The following TUSC3 variants were observed in gnomAD, a reference collection of about 807,000 sequenced individuals.
TUSC3 encodes tumor suppressor candidate 3, also known as dolichyl-diphosphooligosaccharide--protein glycosyltransferase subunit TUSC3.
Under a neutral mutation model 44.8 loss-of-function variants are expected in TUSC3, and 45 were observed. The ratio of observed to expected loss-of-function variants is 1.00; its 90% CI spans 0.79 to 1.29. The LOEUF (loss-of-function observed/expected upper bound fraction) is 1.29, where lower values mean the gene tolerates loss of function less well. Ranked by LOEUF, TUSC3 falls within the 50% of genes most tolerant of loss-of-function variation. The pLI, the probability that TUSC3 is intolerant of heterozygous loss-of-function variation, is 0.00. For missense variants in TUSC3, 519 were observed against 437.9 expected (o/e 1.19, Z -1.65); for synonymous variants, 212 against 152.9 (o/e 1.39, Z -2.85).
chr8:15,774,082 C>G, the TUSC3 span, among the ~76,000 whole-genome samples: 1 of 152,054 alleles, frequency 6.6e-6, no homozygotes, highest in Non-Finnish European at 1.5e-5. Flanking sequence ...ATTAAAAGCA[C>G]TATGGAGAGC....
chr8:15,638,165 G>A (rs1393143103), intron 2 of TUSC3, among the ~76,000 whole-genome samples: 3 of 136,924 alleles, frequency 2.2e-5, no homozygotes, highest in South Asian at 5.1e-4. Context: ...TCCCACCCCC[G>A]CCGCCCCCCG....
At chr8:15,734,312 T>G (rs968395704) in intron 7 of TUSC3, among the ~76,000 whole-genome samples, 5 of 152,200 alleles carry the variant, frequency 3.3e-5, no homozygotes, top group Admixed American at 2.0e-4. Context: ...AGAAAACAGA[T>G]GGAGCATTTT....
chr8:15,827,519 G>A, the TUSC3 span, among the ~76,000 whole-genome samples: 1 of 152,098 alleles, frequency 6.6e-6, no homozygotes, highest in African/African-American at 2.4e-5. Flanking sequence ...CTTATGGTTA[G>A]CTTAATGGAA....
intron 1 of TUSC3, among the ~76,000 whole-genome samples, chr8:15,602,857 C>T (rs925562272): frequency 1.3e-5 from 2 of 150,856 alleles, no homozygotes; most frequent in African/African-American, 4.9e-5. Flanking sequence ...TGAAAGTGAT[C>T]CATGGAAAAG....
intron 1 of TUSC3, among the ~76,000 whole-genome samples, chr8:15,548,387 T>A (rs964414721): frequency 6.6e-6 from 1 of 151,904 alleles, no homozygotes; most frequent in East Asian, 1.9e-4. Flanking sequence ...GAAGTGAGTA[T>A]ATGATACAGT....
At chr8:15,568,281 C>G (rs115786942) in intron 1 of TUSC3, among the ~76,000 whole-genome samples, 5 of 152,296 alleles carry the variant, frequency 3.3e-5, no homozygotes, top group African/African-American at 1.2e-4. Context: ...GATTTAAGCA[C>G]TAGCTCTGTG....
intron 1 of TUSC3, among the ~76,000 whole-genome samples, chr8:15,591,018 C>G (rs548760715): frequency 6.6e-6 from 1 of 152,238 alleles, no homozygotes; most frequent in South Asian, 2.1e-4. Flanking sequence ...TAGGAGAAAT[C>G]TTTGCCATGC....
At chr8:15,851,070 G>T in the TUSC3 span, among the ~76,000 whole-genome samples, 1 of 152,140 alleles carries the variant, frequency 6.6e-6, no homozygotes, top group Non-Finnish European at 1.5e-5. Flanking sequence ...TAAGTCAATG[G>T]ACGACGCGAC....
At chr8:15,611,953 T>C (rs763190187) in intron 1 of TUSC3, among the ~76,000 whole-genome samples, 5 of 152,222 alleles carry the variant, frequency 3.3e-5, no homozygotes, top group African/African-American at 4.8e-5. Context: ...TGGTTTATCG[T>C]TGGGTTTTCA....
intron 6 of TUSC3, among the ~76,000 whole-genome samples, chr8:15,679,406 T>C (rs1297781324): frequency 2.0e-5 from 3 of 152,192 alleles, no homozygotes; most frequent in Non-Finnish European, 4.4e-5. Context: ...TGTTTTCTTT[T>C]GACACGTATC....
At chr8:15,434,036 A>G (rs931735295) in intron 1 of TUSC3, among the ~76,000 whole-genome samples, 4 of 152,192 alleles carry the variant, frequency 2.6e-5, no homozygotes, top group East Asian at 1.9e-4. Flanking sequence ...GAAACTAAAC[A>G]GTTCCTCAAG....
the TUSC3 span, among the ~76,000 whole-genome samples, chr8:15,799,290 A>G: frequency 1.3e-5 from 2 of 152,116 alleles, no homozygotes; most frequent in Non-Finnish European, 2.9e-5. Flanking sequence ...CAATTATCCT[A>G]GTTCTGCCCA....
chr8:15,672,439 C>G (rs1443410374), intron 5 of TUSC3, among the ~76,000 whole-genome samples: 2 of 150,132 alleles, frequency 1.3e-5, no homozygotes, highest in Non-Finnish European at 3.0e-5. Flanking sequence ...AGAAAGATTG[C>G]TACCAATATT....
chr8:15,523,254 A>T (rs1394500095), intron 2 of TUSC3, among the ~76,000 whole-genome samples: 1 of 152,140 alleles, frequency 6.6e-6, no homozygotes, highest in Non-Finnish European at 1.5e-5. Context: ...GTAAAGCCTG[A>T]AGGAAGTGGT....
At chr8:15,617,387 C>T (rs1016286420) in intron 1 of TUSC3, among the ~76,000 whole-genome samples, 3 of 151,928 alleles carry the variant, frequency 2.0e-5, no homozygotes, top group Non-Finnish European at 4.4e-5. Context: ...ATCTGCCCGC[C>T]TAGGCTTCCC....
intron 5 of TUSC3, among the ~76,000 whole-genome samples, chr8:15,673,534 C>T (rs117155455): frequency 6.6e-6 from 1 of 152,158 alleles, no homozygotes; most frequent in East Asian, 1.9e-4. Flanking sequence ...TTTAACAGAG[C>T]TGGCATACCA....
At chr8:15,658,829 A>T (rs1336798915) in intron 3 of TUSC3, among the ~76,000 whole-genome samples, 1 of 152,058 alleles carries the variant, frequency 6.6e-6, no homozygotes, top group African/African-American at 2.4e-5. Context: ...TGTTTAGTAT[A>T]CTTTTCAAAT....
intron 2 of TUSC3, among the ~76,000 whole-genome samples, chr8:15,500,504 C>T (rs915511230): frequency 1.3e-5 from 2 of 152,060 alleles, no homozygotes; most frequent in Admixed American, 1.3e-4. Flanking sequence ...ACTGTTAACA[C>T]ACAAAAAAGG....
At chr8:15,718,923 A>G (rs866144489) in intron 6 of TUSC3, among the ~76,000 whole-genome samples, 1 of 152,070 alleles carries the variant, frequency 6.6e-6, no homozygotes, top group Non-Finnish European at 1.5e-5. Flanking sequence ...TCTTCCTTCA[A>G]ATATGTACAT....
Sources: allele counts gnomAD v4.1 joint callset (sites outside exome capture counted in the v4.1 genomes callset), GRCh38; gene constraint gnomAD v4.1.1; transcripts MANE v1.5; gene names NCBI Gene and HGNC (gene_info 2026-07-23, HGNC 2026-07-21).